CR1L: variants seen among roughly 807,000 people sequenced by gnomAD.
CR1L encodes complement C3b/C4b receptor 1 like, also known as complement component receptor 1-like protein.
Under a neutral mutation model 62.3 loss-of-function variants are expected in CR1L, and 59 were observed. The observed-to-expected ratio is 0.95, with a 90% CI of 0.77 to 1.18. CR1L has a LOEUF of 1.18. Ranked by LOEUF, CR1L falls within the 50% of genes most tolerant of loss-of-function variation. The probability of loss-of-function intolerance (pLI) is 0.00; values close to 1 mark genes in which losing one functional copy is unlikely to be tolerated. For synonymous variants in CR1L, 279 were observed against 248.7 expected, an observed-to-expected ratio of 1.12 and a Z score of -1.15; for missense variants, 700 against 702.8, an observed-to-expected ratio of 1.00 and a Z score of 0.04.
At chr1:207,682,068 C>A (rs1233390356) in intron 3 of CR1L, among the ~76,000 whole-genome samples, 1 of 152,060 alleles carries the variant, frequency 6.6e-6, no homozygotes, top group Non-Finnish European at 1.5e-5. Flanking sequence ...ACGGGTGCAG[C>A]AAACCGCCAT....
chr1:207,655,388 T>C (rs1663289616), intron 1 of CR1L: 2 of 356,528 alleles, frequency 5.6e-6, no homozygotes, highest in South Asian at 3.7e-5. Context: ...AAGAGGTTTC[T>C]TTTATGTGGG....
intron 1 of CR1L, among the ~76,000 whole-genome samples, chr1:207,672,411 G>A (rs1014473338): frequency 3.5e-5 from 5 of 143,858 alleles, no homozygotes; most frequent in Admixed American, 2.0e-4. Flanking sequence ...AGGAGAAATA[G>A]ATGAATGCAC....
intron 4 of CR1L, among the ~76,000 whole-genome samples, chr1:207,686,259 T>G (rs182000604): frequency 1.3e-5 from 2 of 149,080 alleles, no homozygotes; most frequent in Non-Finnish European, 3.0e-5. Context: ...CAGTATAACA[T>G]TGAACATTGG....
At chr1:207,651,842 C>T (rs978026144) in intron 1 of CR1L, among the ~76,000 whole-genome samples, 3 of 152,152 alleles carry the variant, frequency 2.0e-5, no homozygotes, top group African/African-American at 7.2e-5. Flanking sequence ...AAAGGAAAAA[C>T]AATTCATGTA....
chr1:207,720,405 C>G (rs1489009063), intron 11 of CR1L, among the ~76,000 whole-genome samples: 1 of 152,138 alleles, frequency 6.6e-6, no homozygotes, highest in Non-Finnish European at 1.5e-5. Flanking sequence ...CCTAGGCCTT[C>G]CTAAAATGGA....
Position 207,723,635 on chromosome 1 carries a change from A to T in CR1L, c.1660A>T (p.Ile554Leu), listed in dbSNP as rs1435781715. Residue 554 changes from isoleucine to leucine, a missense_variant, in exon 12 of 12, where the codon ATA (isoleucine) becomes TTA (leucine). Physicochemically the swap from Ile to Leu is conservative, Grantham distance 5. Coordinates refer to ENST00000508064, the MANE Select transcript of CR1L (RefSeq NM_175710.2). ...CCTTTTAGGTTCACATGATGCTCTTATAGTTGGTAAGTTTTATGAAGTGTT... is the reference window on the plus strand; with the variant it reads ...CCTTTTAGGTTCACATGATGCTCTTTTAGTTGGTAAGTTTTATGAAGTGTT... ...PVGAGSHDAL[I>L]VGKFYEVFAE... 1 of 1,597,136 alleles carries T rather than the reference A, an allele frequency of 6.3e-7. No homozygotes were observed. Among genetic ancestry groups the T allele is most frequent in the South Asian group, 1.1e-5 (1 of 88,508 alleles).
chr1:207,652,391 A>G (rs1264944827), intron 1 of CR1L, among the ~76,000 whole-genome samples: 1 of 152,264 alleles, frequency 6.6e-6, no homozygotes, highest in Middle Eastern at 3.2e-3. Flanking sequence ...TTCCTCCACT[A>G]CTACCAGCAC....
At chr1:207,654,857 A>G (rs979977113) in intron 1 of CR1L, among the ~76,000 whole-genome samples, 9 of 152,208 alleles carry the variant, frequency 5.9e-5, no homozygotes, top group African/African-American at 1.9e-4. Flanking sequence ...TTCTCTCTAC[A>G]GTCTTGTCCT....
intron 4 of CR1L, among the ~76,000 whole-genome samples, chr1:207,693,243 C>G (rs947746147): frequency 6.6e-6 from 1 of 152,090 alleles, no homozygotes; most frequent in Non-Finnish European, 1.5e-5. Context: ...TCAGCCACCT[C>G]GGTAGCTGGG....
intron 9 of CR1L, among the ~76,000 whole-genome samples, chr1:207,704,111 A>G (rs1364496977): frequency 6.6e-6 from 1 of 152,254 alleles, no homozygotes; most frequent in Non-Finnish European, 1.5e-5. Context: ...CTCATGATTC[A>G]TGGGAAGAGG....
intron 9 of CR1L, 91 bp from the exon 10 acceptor site, chr1:207,708,087 A>G: frequency 6.8e-7 from 1 of 1,467,282 alleles, no homozygotes; most frequent in East Asian, 2.3e-5. Flanking sequence ...CTTCTCCTAT[A>G]TTGTAATCCC....
intron 3 of CR1L, among the ~76,000 whole-genome samples, chr1:207,679,572 C>A (rs1663763671): frequency 6.6e-6 from 1 of 152,072 alleles, no homozygotes; most frequent in Non-Finnish European, 1.5e-5. Context: ...AACATATTAT[C>A]CAGCAGTTAT....
chr1:207,675,644 T>A (rs368023587), intron 1 of CR1L, among the ~76,000 whole-genome samples: 2 of 152,142 alleles, frequency 1.3e-5, no homozygotes, highest in East Asian at 3.9e-4. Context: ...AAAATTGACC[T>A]CTGGCCTCAA....
In CR1L at chr1:207,701,634, C is replaced by T; in HGVS notation, c.1328+16C>T. 3 of 1,613,482 alleles carry T rather than the reference C, an allele frequency of 1.9e-6. No individual in the cohort carries two copies. Among genetic ancestry groups the T allele is most frequent in the Non-Finnish European group, 2.5e-6 (3 of 1,179,564 alleles). On this transcript the variant is annotated intron_variant, in intron 9 of 11. Coordinates refer to ENST00000508064, the MANE Select transcript of CR1L (RefSeq NM_175710.2). ...GTACTACAGGGTGAGTTGGCAGCAA[C>T]ATCTCTTGGTTCCAGAGTTCCAGCA...
At chr1:207,712,527 T>C (rs537873253) in intron 10 of CR1L, among the ~76,000 whole-genome samples, 2 of 152,286 alleles carry the variant, frequency 1.3e-5, no homozygotes, top group South Asian at 2.1e-4. Flanking sequence ...CTTTCTACAA[T>C]GTGTCAGCCG....
rs922821673 is a variant in CR1L, at chr1:207,683,917, C to T, written c.423C>T (p.Gly141=). Residue 141 remains glycine, a synonymous_variant, in exon 4 of 12, where the codon GGC becomes GGT. Coordinates refer to ENST00000508064, the MANE Select transcript of CR1L (RefSeq NM_175710.2). ...GSSSATCIIS[G]NTVIWDNKTP... ...CGTCTGCCACATGCATCATCTCAGGCAACACTGTCATTTGGGATAATAAAA... is the reference window on the plus strand; with the variant it reads ...CGTCTGCCACATGCATCATCTCAGGTAACACTGTCATTTGGGATAATAAAA... 1.9e-6 allele frequency: 3 copies of T among 1,613,384 alleles called. No homozygotes were observed. The highest frequency in any genetic ancestry group is 1.3e-5 in the African/African-American group (1 of 74,902).
chr1:207,665,709 G>A (rs1007619850), intron 1 of CR1L, among the ~76,000 whole-genome samples: 1 of 152,164 alleles, frequency 6.6e-6, no homozygotes, highest in Non-Finnish European at 1.5e-5. Context: ...GACACTGGGT[G>A]TATTAAAAAG....
chr1:207,710,396 C>A (rs1015132573), intron 10 of CR1L: 3 of 1,510,082 alleles, frequency 2.0e-6, no homozygotes, highest in African/African-American at 2.7e-5. Context: ...TCCTTGTGGG[C>A]TACCCCCCAA....
Position 207,708,145 on chromosome 1 carries a change from AC to A in CR1L, c.1329-32del, listed in dbSNP as rs201636715. ...CTGTCAGGAAGTTGATGAGGTATGTACAGCACAATTATTTTCCATTTTTTGC... is the reference window on the plus strand; with the variant it reads ...CTGTCAGGAAGTTGATGAGGTATGTAAGCACAATTATTTTCCATTTTTTGC... On this transcript the variant is annotated intron_variant, in intron 9 of 11. Transcript: ENST00000508064. 3 of 1,607,570 alleles carry A rather than the reference AC, an allele frequency of 1.9e-6. No homozygotes were observed. The East Asian group carries it at 6.7e-5, about 36-fold the overall frequency.
Sources: gnomAD v4.1 joint callset for allele counts (sites outside exome capture counted in the v4.1 genomes callset) on GRCh38, gnomAD v4.1.1 for gene constraint, MANE v1.5 for transcripts, NCBI Gene and HGNC (gene_info 2026-07-23, HGNC 2026-07-21) for gene names.